The following KCNH1 variants were observed in gnomAD, a reference collection of about 807,000 sequenced individuals.
The protein encoded by KCNH1 is potassium voltage-gated channel subfamily H member 1.
A neutral mutation model predicts 69.2 loss-of-function variants in KCNH1; 27 were observed. The observed-to-expected ratio is 0.39, with a 90% CI of 0.29 to 0.54. The LOEUF (loss-of-function observed/expected upper bound fraction) is 0.54, where lower values mean the gene tolerates loss of function less well. KCNH1 is among the 20% of genes least tolerant of loss of function. The probability of loss-of-function intolerance (pLI) is 0.68; values close to 1 mark genes in which losing one functional copy is unlikely to be tolerated. For missense variants in KCNH1, 798 were observed against 1,261.6 expected, an observed-to-expected ratio of 0.63 and a Z score of 5.57; for synonymous variants, 456 against 487.7, an observed-to-expected ratio of 0.93 and a Z score of 0.86.
At chr1:210,982,221 TTTATTATTA>T (rs57676423) in intron 6 of KCNH1, among the ~76,000 whole-genome samples, 70 of 131,108 alleles carry the variant, frequency 5.3e-4, no homozygotes, top group South Asian at 2.4e-3. Context: ...CGAGAATACT[TTTATTATTA>T]TTATTATTAT....
Position 210,705,123 on chromosome 1 carries a change from A to T in KCNH1, c.2113-20985T>A, listed in dbSNP as rs541226923. ...CATTACCAACTTTGAAGAAAGAAAG[A>T]CACATTTCATCCTCCCTCCCCTCTA... On this transcript the variant is annotated intron_variant, in intron 10 of 10. Coordinates refer to ENST00000271751, the MANE Select transcript of KCNH1 (RefSeq NM_172362.3). 1.1e-4 allele frequency among the ~76,000 whole-genome samples: 17 copies of T among 152,220 alleles called. No homozygotes were observed. The East Asian group carries it at 2.7e-3, about 24-fold the overall frequency.
intron 5 of KCNH1, among the ~76,000 whole-genome samples, chr1:211,061,115 C>T (rs2102449784): frequency 6.6e-6 from 1 of 152,120 alleles, no homozygotes; most frequent in East Asian, 1.9e-4. Flanking sequence ...TTCATCATGA[C>T]CAAGAGAGAT....
chr1:211,050,989 T>TTTGTTGTTGTTG (rs6143600), intron 5 of KCNH1, among the ~76,000 whole-genome samples: 11,664 of 150,430 alleles, frequency 0.078, 651 homozygotes, highest in East Asian at 0.15. Context: ...ATATTTTTGT[T>TTTGTTGTTGTTG]TTGTTGTTGT....
chr1:210,904,467 G>A (rs1687057818), intron 7 of KCNH1, among the ~76,000 whole-genome samples: 1 of 152,048 alleles, frequency 6.6e-6, no homozygotes, highest in African/African-American at 2.4e-5. Flanking sequence ...TTTTGAGGTA[G>A]TATTATTTAA....
chr1:210,762,524 G>A (rs777802028), intron 10 of KCNH1, among the ~76,000 whole-genome samples: 3 of 152,020 alleles, frequency 2.0e-5, no homozygotes, highest in Non-Finnish European at 2.9e-5. Flanking sequence ...AGCACAACCA[G>A]AAATGACAAA....
At chr1:211,018,027 G>A (rs1452694892) in intron 6 of KCNH1, among the ~76,000 whole-genome samples, 1 of 152,016 alleles carries the variant, frequency 6.6e-6, no homozygotes, top group African/African-American at 2.4e-5. Flanking sequence ...GTTACAAAAA[G>A]CCTGGCACCT....
chr1:210,771,881 T>C (rs1331091945), intron 10 of KCNH1, among the ~76,000 whole-genome samples: 1 of 152,206 alleles, frequency 6.6e-6, no homozygotes, highest in Non-Finnish European at 1.5e-5. Context: ...GCCAAAATGC[T>C]GGATTTGCCT....
intron 10 of KCNH1, among the ~76,000 whole-genome samples, chr1:210,714,120 G>A (rs1176010180): frequency 6.6e-6 from 1 of 152,198 alleles, no homozygotes; most frequent in African/African-American, 2.4e-5. Flanking sequence ...AGTATGGAGA[G>A]AGGCAACTGG....
At chr1:210,935,608 C>A (rs1173085196) in intron 6 of KCNH1, among the ~76,000 whole-genome samples, 3 of 152,136 alleles carry the variant, frequency 2.0e-5, no homozygotes, top group Non-Finnish European at 4.4e-5. Context: ...TCACACTGTA[C>A]CCCATAAAAA....
intron 7 of KCNH1, among the ~76,000 whole-genome samples, chr1:210,873,887 G>A (rs1340593830): frequency 3.3e-5 from 5 of 152,100 alleles, no homozygotes. Context: ...ATATAATTCA[G>A]TTAAGTGGAA....
chr1:210,686,327 G>T (rs139010767), intron 10 of KCNH1, among the ~76,000 whole-genome samples: 4 of 152,230 alleles, frequency 2.6e-5, no homozygotes, highest in African/African-American at 4.8e-5. Context: ...TCCAAATCCT[G>T]TTCACACCAA....
At chr1:211,058,634 C>A (rs1275388883) in intron 5 of KCNH1, among the ~76,000 whole-genome samples, 2 of 151,822 alleles carry the variant, frequency 1.3e-5, no homozygotes, top group Non-Finnish European at 2.9e-5. Flanking sequence ...ATAAAACCCA[C>A]CACCTGAGAA....
chr1:211,042,173 TCTC>T (rs1431913703), intron 5 of KCNH1, among the ~76,000 whole-genome samples: 1 of 152,204 alleles, frequency 6.6e-6, no homozygotes, highest in African/African-American at 2.4e-5. Context: ...TTAAGTGTCA[TCTC>T]CTTATAGAAG....
chr1:211,056,450 A>G (rs756556179), intron 5 of KCNH1, among the ~76,000 whole-genome samples: 10 of 152,168 alleles, frequency 6.6e-5, no homozygotes, highest in Non-Finnish European at 1.2e-4. Flanking sequence ...GACCCATCCA[A>G]GGATGGGGGA....
chr1:210,918,227 C>T (rs1687387396), intron 7 of KCNH1, among the ~76,000 whole-genome samples: 1 of 152,222 alleles, frequency 6.6e-6, no homozygotes, highest in South Asian at 2.1e-4. Context: ...TTGGACAAAG[C>T]AAGGCAAGCT....
intron 7 of KCNH1, among the ~76,000 whole-genome samples, chr1:210,830,053 T>C (rs1429958099): frequency 6.6e-6 from 1 of 152,194 alleles, no homozygotes; most frequent in Non-Finnish European, 1.5e-5. Flanking sequence ...GACTACTGCC[T>C]ACCACCTCAA....
At chr1:211,041,281 T>C (rs905831518) in intron 5 of KCNH1, among the ~76,000 whole-genome samples, 3 of 152,206 alleles carry the variant, frequency 2.0e-5, no homozygotes, top group Non-Finnish European at 4.4e-5. Flanking sequence ...CTCAGCAGCA[T>C]GCACAGTTCT....
At chr1:210,696,764 A>G (rs1014291819) in intron 10 of KCNH1, among the ~76,000 whole-genome samples, 1 of 152,054 alleles carries the variant, frequency 6.6e-6, no homozygotes, top group African/African-American at 2.4e-5. Context: ...TACTCAGTCT[A>G]TTTTTCTCAT....
intron 7 of KCNH1, chr1:210,861,435 A>G: frequency 1.3e-6 from 1 of 776,630 alleles, no homozygotes; most frequent in Non-Finnish European, 2.4e-6. Context: ...TACTCCTAGG[A>G]AACACTGCCA....
Sources: gnomAD v4.1 joint callset for allele counts (sites outside exome capture counted in the v4.1 genomes callset) on GRCh38, gnomAD v4.1.1 for gene constraint, MANE v1.5 for transcripts, NCBI Gene and HGNC (gene_info 2026-07-23, HGNC 2026-07-21) for gene names.